CAMSAP1: variants seen among roughly 807,000 people sequenced by gnomAD.
The protein encoded by CAMSAP1 is calmodulin-regulated spectrin-associated protein 1.
A neutral mutation model predicts 143.5 loss-of-function variants in CAMSAP1; 58 were observed. That is an observed-to-expected ratio of 0.40 (90% confidence interval 0.33 to 0.50). CAMSAP1 has a LOEUF of 0.50. Ranked by LOEUF, CAMSAP1 falls within the 20% of genes least tolerant of loss-of-function variation. CAMSAP1 has a pLI of 0.45. For synonymous variants in CAMSAP1, 945 were observed against 859.3 expected, an observed-to-expected ratio of 1.10 and a Z score of -1.74; for missense variants, 1,969 against 2,115.7, an observed-to-expected ratio of 0.93 and a Z score of 1.36.
chr9:135,865,865 C>T (rs986244269), intron 4 of CAMSAP1, among the ~76,000 whole-genome samples: 3 of 152,272 alleles, frequency 2.0e-5, no homozygotes, highest in African/African-American at 4.8e-5. Flanking sequence ...CCTTCAAAGG[C>T]GAGACCTTAT....
chr9:135,840,949 A>G (rs1836321342), intron 7 of CAMSAP1, among the ~76,000 whole-genome samples: 1 of 152,166 alleles, frequency 6.6e-6, no homozygotes, highest in South Asian at 2.1e-4. Context: ...AGCTAGTTGC[A>G]GGAGTTTTTT....
chr9:135,811,246 T>A lies in CAMSAP1; in HGVS notation c.*63A>T. 1 of 1,541,740 alleles carries A rather than the reference T, an allele frequency of 6.5e-7. No individual in the cohort carries two copies. Among genetic ancestry groups the A allele is most frequent in the Non-Finnish European group, 8.8e-7 (1 of 1,138,754 alleles). On this transcript the variant is annotated 3_prime_UTR_variant, in exon 17 of 17. Coordinates refer to ENST00000389532, the MANE Select transcript of CAMSAP1 (RefSeq NM_015447.4). This position sits in a 1 kb window ranked among gnomAD's most constrained non-coding sequence, Gnocchi z 4.9. Reference sequence around the variant, plus strand: ...TAAGGACCCCGTGGCACCCTCTGGATGCCAGCCACAAGGGCATCATTTACG... The same window carrying A: ...TAAGGACCCCGTGGCACCCTCTGGAAGCCAGCCACAAGGGCATCATTTACG...
intron 7 of CAMSAP1, among the ~76,000 whole-genome samples, chr9:135,849,556 C>T (rs777650247): frequency 3.3e-5 from 5 of 152,090 alleles, no homozygotes; most frequent in Admixed American, 3.3e-4. Flanking sequence ...TATGAATGAG[C>T]TCTTTATATA....
intron 1 of CAMSAP1, among the ~76,000 whole-genome samples, chr9:135,896,318 G>A (rs1423661600): frequency 6.6e-6 from 1 of 151,992 alleles, no homozygotes; most frequent in Non-Finnish European, 1.5e-5. Flanking sequence ...ATGATAAAAG[G>A]ATCAATCTAC....
At chr9:135,839,116 G>A (rs1469019251) in intron 7 of CAMSAP1, among the ~76,000 whole-genome samples, 1 of 152,138 alleles carries the variant, frequency 6.6e-6, no homozygotes, top group Non-Finnish European at 1.5e-5. Flanking sequence ...ACTTGGTTCG[G>A]CGCCCTTCGG....
rs780293625 is a variant in CAMSAP1, at chr9:135,811,530, A to T, written c.4588T>A (p.Tyr1530Asn). ...GCQFRALYCY[Y>N]PDTEEIYKLT... Reference sequence around the variant, plus strand: ...TTGTAGATTTCCTCAGTATCAGGATAGTAGCAGTAAAGCGCCCTGAACTGG... The same window carrying T: ...TTGTAGATTTCCTCAGTATCAGGATTGTAGCAGTAAAGCGCCCTGAACTGG... The change falls in exon 17 of 17, where the codon TAT becomes AAT. Residue 1530 changes from tyrosine (Y) to asparagine (N), a missense_variant. Physicochemically the swap from Tyr to Asn is moderately radical, Grantham distance 143. Around this residue, in one of 4 missense-constraint regions of CAMSAP1, gnomAD observed 143 missense variants for 200.6 expected, o/e 0.71. Coordinates refer to ENST00000389532, the MANE Select transcript of CAMSAP1 (RefSeq NM_015447.4). This position sits in a 1 kb window ranked among gnomAD's most constrained non-coding sequence, Gnocchi z 4.9. The T allele has an allele frequency of 6.2e-7, 1 of 1,607,532 alleles. No homozygotes were observed. Among genetic ancestry groups the T allele is most frequent in the Non-Finnish European group, 8.5e-7 (1 of 1,176,672 alleles).
chr9:135,902,016 T>G (rs550779606), intron 1 of CAMSAP1, among the ~76,000 whole-genome samples: 1 of 152,298 alleles, frequency 6.6e-6, no homozygotes, highest in Non-Finnish European at 1.5e-5. Flanking sequence ...CTCTGTACTG[T>G]GGACACAGCA....
At chr9:135,894,799 G>T (rs1838396010) in intron 1 of CAMSAP1, among the ~76,000 whole-genome samples, 1 of 152,162 alleles carries the variant, frequency 6.6e-6, no homozygotes, top group Non-Finnish European at 1.5e-5. Context: ...TGATGAACTG[G>T]CACAAACACC....
chr9:135,847,118 C>T (rs557772841), intron 7 of CAMSAP1, among the ~76,000 whole-genome samples: 1 of 151,866 alleles, frequency 6.6e-6, no homozygotes, highest in Admixed American at 6.6e-5. Context: ...GAGGCTGAGG[C>T]GGGTGGATCA....
chr9:135,812,342 G>A (rs1835080655), intron 16 of CAMSAP1, among the ~76,000 whole-genome samples: 1 of 152,170 alleles, frequency 6.6e-6, no homozygotes, highest in South Asian at 2.1e-4. Context: ...CTACAAAAAG[G>A]AATGGAGGTC....
intron 3 of CAMSAP1, among the ~76,000 whole-genome samples, chr9:135,878,006 A>G (rs1837810112): frequency 6.6e-6 from 1 of 152,326 alleles, no homozygotes; most frequent in Non-Finnish European, 1.5e-5. Context: ...CCTGGAAGAG[A>G]GAAGACAGCT....
chr9:135,865,221 A>T, intron 4 of CAMSAP1: 1 of 1,078,070 alleles, frequency 9.3e-7, no homozygotes, highest in Non-Finnish European at 1.4e-6. Context: ...TGGGACATTT[A>T]AACAACAACA....
chr9:135,824,619 C>T lies in CAMSAP1; in HGVS notation c.1315+170G>A, dbSNP rs111920256. ...GTCAGAGGCTGCAGTGAGCCGAGAT[C>T]GCGCCACAGCACTTCAGCCTGGTGA... On this transcript the variant is annotated intron_variant, in intron 9 of 16. Transcript: ENST00000389532. The surrounding 1 kb of genome is among the most constrained non-coding windows in gnomAD (Gnocchi z 4.1). Among the ~76,000 whole-genome samples the T allele has an allele frequency of 1.0e-3, 156 of 152,210 alleles. No homozygotes were observed. In the South Asian group the frequency reaches 0.012, roughly 12 times the overall value.
chr9:135,897,654 G>A (rs942022199), intron 1 of CAMSAP1, among the ~76,000 whole-genome samples: 6 of 152,084 alleles, frequency 3.9e-5, no homozygotes, highest in East Asian at 1.9e-4. Flanking sequence ...CCATGATGAC[G>A]TCCATGGTGG....
intron 7 of CAMSAP1, among the ~76,000 whole-genome samples, chr9:135,837,341 ACAT>A (rs1399483200): frequency 1.3e-5 from 2 of 151,710 alleles, no homozygotes; most frequent in African/African-American, 2.4e-5. Context: ...CTACAGACAC[ACAT>A]CATCACGCAC....
intron 3 of CAMSAP1, among the ~76,000 whole-genome samples, chr9:135,872,593 A>T (rs1204895817): frequency 6.6e-6 from 1 of 152,258 alleles, no homozygotes; most frequent in Non-Finnish European, 1.5e-5. Flanking sequence ...AAGCAAGAGC[A>T]ACTACACAGC....
intron 1 of CAMSAP1, among the ~76,000 whole-genome samples, chr9:135,891,242 G>A (rs545961469): frequency 6.6e-6 from 1 of 152,308 alleles, no homozygotes; most frequent in East Asian, 1.9e-4. Context: ...GCTGTGCAGT[G>A]GCAGCATGAG....
rs1341310402 is a variant in CAMSAP1 at position 135,822,505 on chromosome 9, C to A, written c.2156G>T (p.Cys719Phe). 9 of 1,613,896 alleles carry A rather than the reference C, an allele frequency of 5.6e-6. No homozygotes were observed. Among genetic ancestry groups the A allele is most frequent in the African/African-American group, 1.3e-5 (1 of 75,052 alleles). Reference protein sequence around the residue: ...EDTEGRLYVSCSKSPNSHDSE... With the variant: ...EDTEGRLYVSFSKSPNSHDSE... ...ATCGTGGGAGTTGGGGCTTTTTGAA[C>A]AACTAACATATAACCTTCCCTCGGT... Residue 719 changes from cysteine to phenylalanine, a missense_variant, in exon 11 of 17, where the codon TGT becomes TTT. By Grantham distance (205) the Cys-to-Phe change is radical (BLOSUM62 -2). Coordinates refer to ENST00000389532, the MANE Select transcript of CAMSAP1 (RefSeq NM_015447.4). This position sits in a 1 kb window ranked among gnomAD's most constrained non-coding sequence, Gnocchi z 6.1.
At chr9:135,836,556 T>C (rs1170427550) in intron 7 of CAMSAP1, 3 of 981,614 alleles carry the variant, frequency 3.1e-6, no homozygotes, top group Non-Finnish European at 3.6e-6. Context: ...TCTACCCCGT[T>C]CTACAGACAC....
Sources: allele counts gnomAD v4.1 joint callset (sites outside exome capture counted in the v4.1 genomes callset), GRCh38; gene constraint gnomAD v4.1.1; regional missense constraint gnomAD v4.1.1; non-coding constraint Gnocchi (gnomAD v3.1); transcripts MANE v1.5; gene names NCBI Gene and HGNC (gene_info 2026-07-23, HGNC 2026-07-21).